Variants in ELOVL7 observed in about 807,000 individuals in gnomAD.
ELOVL7 encodes very long chain fatty acid elongase 7.
Under a neutral mutation model 35.7 loss-of-function variants are expected in ELOVL7, and 27 were observed. The observed-to-expected ratio is 0.76, with a 90% CI of 0.56 to 1.04. ELOVL7 has a LOEUF of 1.04. Among genes scored for constraint, ELOVL7 ranks in the 50% least tolerant of loss-of-function variants. ELOVL7 has a pLI of 0.00. For synonymous variants in ELOVL7, 113 were observed against 114.6 expected (o/e 0.99, Z 0.09); for missense variants, 327 against 340.8 (o/e 0.96, Z 0.32).
intron 3 of ELOVL7, among the ~76,000 whole-genome samples, chr5:60,783,671 G>A (rs142444935): frequency 3.3e-5 from 5 of 152,260 alleles, no homozygotes; most frequent in Admixed American, 1.3e-4. Context: ...CTCAAATAAT[G>A]AGAGTTCAGG....
chr5:60,834,673 T>C (rs1311302834), intron 1 of ELOVL7, among the ~76,000 whole-genome samples: 2 of 151,954 alleles, frequency 1.3e-5, no homozygotes, highest in Non-Finnish European at 2.9e-5. Flanking sequence ...ATGAGTTGAT[T>C]ATATACCATT....
At chr5:60,805,905 A>G (rs992449780) in intron 1 of ELOVL7, among the ~76,000 whole-genome samples, 4 of 150,858 alleles carry the variant, frequency 2.7e-5, no homozygotes, top group African/African-American at 1.0e-4. Flanking sequence ...AGCAGGAAAC[A>G]TGTGTGATAT....
intron 3 of ELOVL7, among the ~76,000 whole-genome samples, chr5:60,774,881 T>A (rs1742813039): frequency 6.6e-6 from 1 of 151,408 alleles, no homozygotes; most frequent in African/African-American, 2.4e-5. Flanking sequence ...ATCTCCTGCC[T>A]CAGTCTCCTG....
chr5:60,766,507 A>G, intron 6 of ELOVL7, 67 bp downstream of exon 6: 1 of 1,378,698 alleles, frequency 7.3e-7, no homozygotes, highest in Non-Finnish European at 1.0e-6. Flanking sequence ...TTTCACTGAA[A>G]GATCAAACAT....
chr5:60,824,106 G>A (rs908699316), intron 1 of ELOVL7, among the ~76,000 whole-genome samples: 15 of 151,850 alleles, frequency 9.9e-5, no homozygotes, highest in East Asian at 1.9e-4. Flanking sequence ...CTGGGTATCC[G>A]TGCAGAGGAT....
At chr5:60,758,766 A>C (rs1741701942) in intron 7 of ELOVL7, among the ~76,000 whole-genome samples, 1 of 152,208 alleles carries the variant, frequency 6.6e-6, no homozygotes, top group Non-Finnish European at 1.5e-5. Flanking sequence ...TCCGTTTCCT[A>C]AGACGACAAT....
chr5:60,816,931 A>G (rs567926338), intron 1 of ELOVL7, among the ~76,000 whole-genome samples: 1 of 152,338 alleles, frequency 6.6e-6, no homozygotes, highest in Non-Finnish European at 1.5e-5. Flanking sequence ...AATGAAAATT[A>G]CACAGATCTC....
At chr5:60,824,325 G>A (rs1028731492) in intron 1 of ELOVL7, among the ~76,000 whole-genome samples, 1 of 152,158 alleles carries the variant, frequency 6.6e-6, no homozygotes. Context: ...CTCACAAGTC[G>A]GCATTTGAAG....
chr5:60,791,292 T>A, intron 2 of ELOVL7, among the ~76,000 whole-genome samples: 2 of 152,266 alleles, frequency 1.3e-5, no homozygotes, highest in Admixed American at 1.3e-4. Flanking sequence ...CAGCCATTTA[T>A]CATTTAGAGA....
At chr5:60,807,589 G>C (rs1745004122) in intron 1 of ELOVL7, among the ~76,000 whole-genome samples, 1 of 149,988 alleles carries the variant, frequency 6.7e-6, no homozygotes, top group African/African-American at 2.4e-5. Context: ...AGAAACCAAA[G>C]CAAAAAGGAC....
At chr5:60,840,303 C>T (rs555534285) in intron 1 of ELOVL7, among the ~76,000 whole-genome samples, 4 of 152,168 alleles carry the variant, frequency 2.6e-5, no homozygotes, top group Non-Finnish European at 4.4e-5. Flanking sequence ...GGCCCTAAAT[C>T]CAATATGACT....
At chr5:60,816,857 G>C (rs1561463930) in intron 1 of ELOVL7, among the ~76,000 whole-genome samples, 2 of 152,068 alleles carry the variant, frequency 1.3e-5, no homozygotes, top group Non-Finnish European at 2.9e-5. Flanking sequence ...ACAAATTTCA[G>C]ATAAATACAA....
intron 2 of ELOVL7, among the ~76,000 whole-genome samples, chr5:60,794,662 T>C (rs562456403): frequency 6.9e-4 from 105 of 152,372 alleles, no homozygotes; most frequent in African/African-American, 2.5e-3. Context: ...CATGGCTTTC[T>C]AGGGCATACC....
At chr5:60,839,525 T>C (rs1747035637) in intron 1 of ELOVL7, among the ~76,000 whole-genome samples, 1 of 152,246 alleles carries the variant, frequency 6.6e-6, no homozygotes, top group African/African-American at 2.4e-5. Flanking sequence ...TTTCAACTTT[T>C]TGCAACTGTG....
intron 3 of ELOVL7, among the ~76,000 whole-genome samples, chr5:60,779,800 C>A (rs1001471594): frequency 6.6e-6 from 1 of 152,162 alleles, no homozygotes; most frequent in Non-Finnish European, 1.5e-5. Context: ...ATTGTATTTT[C>A]TTTTCTATCG....
At chr5:60,797,082 ACTT>A (rs1227495275) in intron 2 of ELOVL7, among the ~76,000 whole-genome samples, 1 of 152,216 alleles carries the variant, frequency 6.6e-6, no homozygotes, top group East Asian at 1.9e-4. Flanking sequence ...TGGAATTGTC[ACTT>A]ATTATAACTC....
At chr5:60,840,978 T>A (rs1401629499) in intron 1 of ELOVL7, among the ~76,000 whole-genome samples, 2 of 151,506 alleles carry the variant, frequency 1.3e-5, no homozygotes. Context: ...AAATGCTTAC[T>A]AGGTATTATA....
rs868585800 is a variant in ELOVL7 at position 60,798,709 on chromosome 5, C to G, written c.-35+471G>C. The stretch of plus-strand genomic sequence containing the variant: ...CAACATAGTAGCACCAAAAATAATG[C>G]AAAGATTAATAGATCTGAAAAGAGA... On this transcript the variant is annotated intron_variant, in intron 2 of 8. Transcript: ENST00000508821. Among the ~76,000 whole-genome samples, 8 of 152,056 alleles carry G rather than the reference C, an allele frequency of 5.3e-5. No individual in the cohort carries two copies. The South Asian group carries it at 1.0e-3, about 20-fold the overall frequency.
chr5:60,819,493 G>A lies in ELOVL7; in HGVS notation c.-85-20263C>T, dbSNP rs78101547. On this transcript the variant is annotated intron_variant, in intron 1 of 8. Coordinates refer to ENST00000508821, the MANE Select transcript of ELOVL7 (RefSeq NM_024930.3). The stretch of plus-strand genomic sequence containing the variant: ...GAATGCATAAGTGTTTAAGAACCAC[G>A]ATCATAGGCTGGGAACGGTGGCTCA... Among the ~76,000 whole-genome samples, 45 of 152,196 alleles carry A rather than the reference G, an allele frequency of 3.0e-4. No individual in the cohort carries two copies. The East Asian group carries it at 6.0e-3, about 20-fold the overall frequency.
Sources: allele counts gnomAD v4.1 joint callset (sites outside exome capture counted in the v4.1 genomes callset), GRCh38; gene constraint gnomAD v4.1.1; transcripts MANE v1.5; gene names NCBI Gene and HGNC (gene_info 2026-07-23, HGNC 2026-07-21).